ATRN: variants seen among roughly 807,000 people sequenced by gnomAD.
ATRN encodes attractin-2.
Under a neutral mutation model 178.7 loss-of-function variants are expected in ATRN, and 54 were observed. The ratio of observed to expected loss-of-function variants is 0.30; its 90% CI spans 0.24 to 0.38. The LOEUF (loss-of-function observed/expected upper bound fraction) is 0.38. Among genes scored for constraint, ATRN ranks in the 10% least tolerant of loss-of-function variants. ATRN has a pLI of 1.00. For missense variants in ATRN, 1,443 were observed against 1,815.1 expected (o/e 0.79, Z 3.73); for synonymous variants, 636 against 663.0 (o/e 0.96, Z 0.63).
At chr20:3,472,424 C>CACAT (rs2084444388) in intron 1 of ATRN, among the ~76,000 whole-genome samples, 1 of 152,144 alleles carries the variant, frequency 6.6e-6, no homozygotes, top group African/African-American at 2.4e-5. Flanking sequence ...GCTTACTGAA[C>CACAT]ACATGTCTGA....
At chr20:3,511,689 A>G (rs2085130176) in intron 1 of ATRN, among the ~76,000 whole-genome samples, 1 of 152,182 alleles carries the variant, frequency 6.6e-6, no homozygotes, top group Non-Finnish European at 1.5e-5. Flanking sequence ...GTTCTGTTCA[A>G]AAGAAGTCAG....
intron 19 of ATRN, among the ~76,000 whole-genome samples, chr20:3,594,251 G>C (rs1481665810): frequency 1.3e-5 from 2 of 152,162 alleles, no homozygotes; most frequent in African/African-American, 4.8e-5. Context: ...AAGGCAGTGG[G>C]TACCAGCATT....
chr20:3,612,162 A>G (rs1160779707), intron 24 of ATRN, among the ~76,000 whole-genome samples: 1 of 152,250 alleles, frequency 6.6e-6, no homozygotes, highest in Non-Finnish European at 1.5e-5. Flanking sequence ...CATACACACC[A>G]TGGCCTAATA....
chr20:3,610,546 C>T (rs888532817), intron 24 of ATRN, among the ~76,000 whole-genome samples: 8 of 151,128 alleles, frequency 5.3e-5, no homozygotes, highest in Non-Finnish European at 7.4e-5. Context: ...AGGTGCACAC[C>T]GCCACGCTAG....
intron 14 of ATRN, among the ~76,000 whole-genome samples, chr20:3,577,954 T>C (rs2086233998): frequency 6.6e-6 from 1 of 152,212 alleles, no homozygotes; most frequent in Non-Finnish European, 1.5e-5. Flanking sequence ...GTTCTTTCAT[T>C]GTCTTCCAGG....
rs237630 is a variant in ATRN at position 3,578,868 on chromosome 20, G to C, written c.2544+96G>C. 92 of 1,195,654 alleles carry C rather than the reference G, an allele frequency of 7.7e-5. 1 individual carries two copies. Among genetic ancestry groups the C allele is most frequent in the Non-Finnish European group, 1.1e-6 (1 of 872,046 alleles). 74.1% of individuals were successfully genotyped at this position (1,195,654 alleles called of 1,614,324 possible). A position where few individuals can be genotyped will look rare whatever the true frequency, so the allele number is the denominator to read the frequency against. On this transcript the variant is annotated intron_variant, in intron 15 of 28. Transcript: ENST00000262919. Reference sequence around the variant, plus strand: ...CATGTGGAAGGCTGTGGATATGTGTGACGTGCTTGGCAAGAAGGGGAGTGC... The same window carrying C: ...CATGTGGAAGGCTGTGGATATGTGTCACGTGCTTGGCAAGAAGGGGAGTGC...
Position 3,489,865 on chromosome 20 carries a change from G to A in ATRN, c.410+18348G>A, listed in dbSNP as rs529548299. 6.5e-4 allele frequency: 834 copies of A among 1,292,356 alleles called. 1 individual carries two copies. Among genetic ancestry groups the A allele is most frequent in the Non-Finnish European group, 8.7e-4 (775 of 889,102 alleles). 80.1% of individuals were successfully genotyped at this position (1,292,356 alleles called of 1,614,324 possible). On this transcript the variant is annotated intron_variant, in intron 1 of 28. Coordinates refer to ENST00000262919, the MANE Select transcript of ATRN (RefSeq NM_139321.3). Reference sequence around the variant, plus strand: ...AGCTTATATAGCCAGTAGGGAATGCGTTTGCCATCCCAGCCAAGTGGCAGG... The same window carrying A: ...AGCTTATATAGCCAGTAGGGAATGCATTTGCCATCCCAGCCAAGTGGCAGG...
At chr20:3,568,270 C>G (rs1252681789) in intron 11 of ATRN, among the ~76,000 whole-genome samples, 1 of 145,274 alleles carries the variant, frequency 6.9e-6, no homozygotes, top group Non-Finnish European at 1.5e-5. Context: ...CCAGCCTGGG[C>G]AACAGAGCGA....
chr20:3,492,201 G>GTGTGTGTGTA (rs1458774539), intron 1 of ATRN, among the ~76,000 whole-genome samples: 2 of 150,006 alleles, frequency 1.3e-5, no homozygotes, highest in East Asian at 1.9e-4. Context: ...GTGTGTGTGT[G>GTGTGTGTGTA]TGTATCCGTT....
intron 25 of ATRN, among the ~76,000 whole-genome samples, chr20:3,631,185 A>C (rs1293676201): frequency 6.6e-6 from 1 of 151,906 alleles, no homozygotes; most frequent in African/African-American, 2.4e-5. Flanking sequence ...TCTGGCCTCA[A>C]GCAGTCCTCC....
At chr20:3,487,043 G>A (rs190389441) in intron 1 of ATRN, among the ~76,000 whole-genome samples, 5 of 152,126 alleles carry the variant, frequency 3.3e-5, no homozygotes, top group Admixed American at 2.6e-4. Flanking sequence ...AATTTCCTCA[G>A]ATCTGTTCTC....
chr20:3,596,000 A>G (rs1321666036), intron 20 of ATRN, among the ~76,000 whole-genome samples: 1 of 152,254 alleles, frequency 6.6e-6, no homozygotes, highest in African/African-American at 2.4e-5. Context: ...TAGTTTATCC[A>G]GGGAACATAG....
chr20:3,509,991 C>T (rs1248593716), intron 1 of ATRN, among the ~76,000 whole-genome samples: 1 of 152,152 alleles, frequency 6.6e-6, no homozygotes, highest in Non-Finnish European at 1.5e-5. Context: ...CATAATTTTT[C>T]CCTCTGAACC....
At chr20:3,497,911 T>G (rs1202213468) in intron 1 of ATRN, among the ~76,000 whole-genome samples, 4 of 151,906 alleles carry the variant, frequency 2.6e-5, no homozygotes, top group Non-Finnish European at 5.9e-5. Context: ...TTTCATTCAT[T>G]TCATCAACAA....
Position 3,485,610 on chromosome 20 carries a change from G to GTTTTTTTTTTTTTTT in ATRN, c.410+14108_410+14122dup, listed in dbSNP as rs3084238. 9.4e-4 allele frequency among the ~76,000 whole-genome samples: 64 copies of GTTTTTTTTTTTTTTT among 67,904 alleles called. 11 individuals are homozygous for GTTTTTTTTTTTTTTT. The highest frequency in any genetic ancestry group is 1.9e-3 in the African/African-American group (35 of 18,118). 44.5% of individuals were successfully genotyped at this position (67,904 alleles called of 152,430 possible). On this transcript the variant is annotated intron_variant, in intron 1 of 28. Coordinates refer to ENST00000262919, the MANE Select transcript of ATRN (RefSeq NM_139321.3). ...TGGTTTGCCAATACATTTTTTTGAG[G>GTTTTTTTTTTTTTTT]TTTTTTTTTTTTTTTTTTTTTTTTT...
At chr20:3,575,711 C>A in intron 12 of ATRN, 116 bp from the exon 13 acceptor site, 1 of 1,134,130 alleles carries the variant, frequency 8.8e-7, no homozygotes, top group Non-Finnish European at 1.2e-6. Flanking sequence ...ATTTTCCTGC[C>A]AGTTTCATTC....
At chr20:3,566,479 T>A (rs547128883) in intron 11 of ATRN, among the ~76,000 whole-genome samples, 1 of 152,338 alleles carries the variant, frequency 6.6e-6, no homozygotes, top group African/African-American at 2.4e-5. Context: ...TTCCCTTTTT[T>A]AAAATTCTAA....
At chr20:3,491,749 T>C (rs2084796914) in intron 1 of ATRN, among the ~76,000 whole-genome samples, 1 of 151,604 alleles carries the variant, frequency 6.6e-6, no homozygotes, top group Non-Finnish European at 1.5e-5. Context: ...CAAACTATTA[T>C]TAAATCTTGT....
intron 25 of ATRN, among the ~76,000 whole-genome samples, chr20:3,629,476 C>G (rs1180571973): frequency 6.6e-6 from 1 of 151,956 alleles, no homozygotes; most frequent in African/African-American, 2.4e-5. Flanking sequence ...ACTTTCATAC[C>G]TTGCTTGATT....
Sources: allele counts gnomAD v4.1 joint callset (sites outside exome capture counted in the v4.1 genomes callset), GRCh38; gene constraint gnomAD v4.1.1; transcripts MANE v1.5; gene names NCBI Gene and HGNC (gene_info 2026-07-23, HGNC 2026-07-21).